PRKRA: variants seen among roughly 807,000 people sequenced by gnomAD.
PRKRA encodes the protein interferon-inducible double-stranded RNA-dependent protein kinase activator A.
PRKRA carries 22 observed loss-of-function variants against 32.4 expected under a neutral mutation model. The ratio of observed to expected loss-of-function variants is 0.68; its 90% CI spans 0.49 to 0.97. The LOEUF (loss-of-function observed/expected upper bound fraction) is 0.97, where lower values mean the gene tolerates loss of function less well. Ranked by LOEUF, PRKRA falls within the 50% of genes least tolerant of loss-of-function variation. The probability of loss-of-function intolerance (pLI) is 0.00; values close to 1 mark genes in which losing one functional copy is unlikely to be tolerated. For missense variants in PRKRA, 319 were observed against 375.6 expected (o/e 0.85, Z 1.25); for synonymous variants, 139 against 129.8 (o/e 1.07, Z -0.48).
At chr2:178,448,705 C>G (rs564486085) in intron 2 of PRKRA, among the ~76,000 whole-genome samples, 1 of 152,212 alleles carries the variant, frequency 6.6e-6, no homozygotes, top group African/African-American at 2.4e-5. Flanking sequence ...ATGATGGTGG[C>G]CTAGGCAGTA....
At chr2:178,449,776 G>C (rs900340789) in intron 2 of PRKRA, among the ~76,000 whole-genome samples, 1 of 152,218 alleles carries the variant, frequency 6.6e-6, no homozygotes, top group African/African-American at 2.4e-5. Context: ...TTTGGATACA[G>C]AATCAAAAGT....
At position 178,436,310 on chromosome 2, in the gene PRKRA, C is replaced by T. The variant is rs934978501; in HGVS notation, c.619G>A (p.Val207Ile). ...PENHISLTNV[V>I]GHSLGCTWHS... is the part of the protein sequence containing the mutation. ...CAAGTACATCCTAAAGAATGTCCTACTACATTTGTCTGAAAAACAGAGATG... is the reference window on the plus strand; with the variant it reads ...CAAGTACATCCTAAAGAATGTCCTATTACATTTGTCTGAAAAACAGAGATG... The change falls in exon 7 of 8, where the codon GTA becomes ATA. Residue 207 changes from valine (V) to isoleucine (I), a missense_variant. Physicochemically the swap from Val to Ile is conservative, Grantham distance 29. Coordinates refer to ENST00000325748, the MANE Select transcript of PRKRA (RefSeq NM_003690.5). 3 of 1,613,516 alleles carry T rather than the reference C, an allele frequency of 1.9e-6. No homozygotes were observed. The highest frequency in any genetic ancestry group is 1.1e-5 in the South Asian group (1 of 91,076).
intron 6 of PRKRA, 49 bp from the exon 7 acceptor site, chr2:178,436,368 A>G (rs1455948312): frequency 1.7e-6 from 2 of 1,177,110 alleles, no homozygotes; most frequent in Non-Finnish European, 2.3e-6. Context: ...ACTGGGTTCC[A>G]ACACCCGTAC....
At chr2:178,435,220 GA>G (rs75303596) in intron 7 of PRKRA, among the ~76,000 whole-genome samples, 239 of 141,318 alleles carry the variant, frequency 1.7e-3, no homozygotes, top group South Asian at 4.3e-3. Context: ...CCATCTTGGG[GA>G]AAAAAAAAAA....
chr2:178,449,632 G>C (rs1967327), intron 2 of PRKRA, among the ~76,000 whole-genome samples: 30,350 of 152,122 alleles, frequency 0.2, 3,370 homozygotes, highest in East Asian at 0.51. Context: ...ATTGCTATAC[G>C]CATGTTACTT....
At position 178,436,290 on chromosome 2, in the gene PRKRA, A is replaced by G; in HGVS notation, c.639T>C (p.Cys213=). The G allele has an allele frequency of 6.2e-7, 1 of 1,613,958 alleles. No individual in the cohort carries two copies. Among genetic ancestry groups the G allele is most frequent in the East Asian group, 2.2e-5 (1 of 44,840 alleles). Residue 213 remains cysteine, a synonymous_variant, in exon 7 of 8, where the codon TGT becomes TGC. Coordinates refer to ENST00000325748, the MANE Select transcript of PRKRA (RefSeq NM_003690.5). ...GAGAATTCCTCAAGGAATGCCAAGT[A>G]CATCCTAAAGAATGTCCTACTACAT... ...LTNVVGHSLG[C]TWHSLRNSPG... is the part of the protein sequence containing the mutation.
chr2:178,441,552 T>C (rs1697114735), intron 6 of PRKRA, 58 bp downstream of exon 6: 1 of 1,047,124 alleles, frequency 9.5e-7, no homozygotes, highest in Admixed American at 2.5e-5. Context: ...TCAAGGAAAG[T>C]TTCCTACTGC....
intron 6 of PRKRA, chr2:178,438,889 T>C (rs1697011660): frequency 6.6e-6 from 1 of 152,144 alleles, no homozygotes; most frequent in Non-Finnish European, 1.5e-5. Context: ...TTCACCGCGT[T>C]AGCCAGAATG....
Position 178,432,167 on chromosome 2 carries a change from C to T in PRKRA, c.872G>A (p.Cys291Tyr). The T allele has an allele frequency of 6.2e-7, 1 of 1,614,212 alleles. No individual in the cohort carries two copies. The highest frequency in any genetic ancestry group is 8.5e-7 in the Non-Finnish European group (1 of 1,180,034). ...AGCTGCATCACTTTGTGCATTGCCA[C>T]AGGAGATACCGGAGCCATGACAGAC... ...ITVCHGSGIS[C>Y]GNAQSDAAHN... is the part of the protein sequence containing the mutation. The change falls in exon 8 of 8, where the codon TGT becomes TAT. Residue 291 changes from cysteine to tyrosine, a missense_variant. Transcript: ENST00000325748.
intron 7 of PRKRA, among the ~76,000 whole-genome samples, chr2:178,434,649 T>TTGGTTTAC (rs1696813123): frequency 6.6e-6 from 1 of 152,086 alleles, no homozygotes; most frequent in Non-Finnish European, 1.5e-5. Flanking sequence ...TGCATCATTA[T>TTGGTTTAC]TGGTTTACTG....
At position 178,451,164 on chromosome 2, in the gene PRKRA, C is replaced by T. The variant is rs988607528; in HGVS notation, c.-134G>A. On this transcript the variant is annotated 5_prime_UTR_variant, in exon 1 of 8. Transcript: ENST00000325748. ...ACTCCCCCGCCTCCTGCTTGCGTTG[C>T]TCCAGCGAGGGGGCAGGCAGGGTGG... is the stretch of plus-strand genomic sequence containing the variant. 19 of 1,051,176 alleles carry T rather than the reference C, an allele frequency of 1.8e-5. No homozygotes were observed. The highest frequency in any genetic ancestry group is 1.0e-4 in the Admixed American group (4 of 38,996). The allele number at this position is 1,051,176 out of a possible 1,614,324, so 65.1% of individuals were successfully genotyped here. A position where few individuals can be genotyped will look rare whatever the true frequency, so the allele number is the denominator to read the frequency against.
Position 178,450,373 on chromosome 2 carries a change from G to A in PRKRA, c.104C>T (p.Pro35Leu). Reference protein sequence around the residue: ...KMITAKPGKTPIQVLHEYGMK... With the variant: ...KMITAKPGKTLIQVLHEYGMK... ...GCCGTATTCGTGTAATACCTGAATC[G>A]GTGTTTTCCCTGGCTTAGCTGTTAT... The change falls in exon 2 of 8, where the codon CCG (proline) becomes CTG (leucine). Residue 35 changes from proline to leucine, a missense_variant. Pro to Leu is a moderately conservative substitution (Grantham distance 98). Transcript: ENST00000325748. 4 of 1,614,242 alleles carry A rather than the reference G, an allele frequency of 2.5e-6. No individual in the cohort carries two copies. Among genetic ancestry groups the A allele is most frequent in the Non-Finnish European group, 3.4e-6 (4 of 1,180,048 alleles).
intron 6 of PRKRA, among the ~76,000 whole-genome samples, chr2:178,436,705 A>G (rs1696912386): frequency 6.6e-6 from 1 of 152,202 alleles, no homozygotes; most frequent in Non-Finnish European, 1.5e-5. Flanking sequence ...CAATTTTCAT[A>G]TCTTTGGTTT....
intron 2 of PRKRA, 46 bp from the exon 3 acceptor site, chr2:178,447,632 G>A (rs764142699): frequency 6.2e-7 from 1 of 1,608,190 alleles, no homozygotes; most frequent in East Asian, 2.2e-5. Context: ...CCACAAAAAT[G>A]TGCAGCTTAC....
In PRKRA at chr2:178,447,604, A is replaced by ACGGTT; in HGVS notation, c.236-19_236-18insAACCG. The stretch of plus-strand genomic sequence containing the variant: ...ACCTTCACCTGAATTAAGATTTAAA[A>ACGGTT]AAAGAAGTCTTTATCTCCCACAAAA... On this transcript the variant is annotated intron_variant, in intron 2 of 7. Coordinates refer to ENST00000325748, the MANE Select transcript of PRKRA (RefSeq NM_003690.5). 1 of 796,672 alleles carries ACGGTT rather than the reference A, an allele frequency of 1.3e-6. No individual in the cohort carries two copies. The highest frequency in any genetic ancestry group is 1.8e-6 in the Non-Finnish European group (1 of 552,450). 49.4% of individuals were successfully genotyped at this position (796,672 alleles called of 1,614,324 possible).
intron 7 of PRKRA, chr2:178,434,219 T>G (rs1696790076): frequency 6.6e-6 from 1 of 152,010 alleles, no homozygotes; most frequent in Non-Finnish European, 1.5e-5. Context: ...CAAGTGATTC[T>G]CCCACCTGAG....
At chr2:178,447,344 G>A (rs771581589) in intron 3 of PRKRA, 161 bp downstream of exon 3, 2 of 1,283,762 alleles carry the variant, frequency 1.6e-6, no homozygotes, top group Admixed American at 5.0e-5. Context: ...ATTGGATAAA[G>A]TTTTCTTTAA....
chr2:178,443,201 G>T, intron 5 of PRKRA, 66 bp downstream of exon 5: 5 of 908,574 alleles, frequency 5.5e-6, no homozygotes, highest in Non-Finnish European at 7.8e-6. Context: ...CATTACGACA[G>T]AAATTTCGAT....
At chr2:178,440,968 A>G (rs1314653211) in intron 6 of PRKRA, among the ~76,000 whole-genome samples, 2 of 152,174 alleles carry the variant, frequency 1.3e-5, no homozygotes, top group Non-Finnish European at 2.9e-5. Context: ...TCTACACACA[A>G]CAAATCACTT....
Sources: gnomAD v4.1 joint callset for allele counts (sites outside exome capture counted in the v4.1 genomes callset) on GRCh38, gnomAD v4.1.1 for gene constraint, MANE v1.5 for transcripts, NCBI Gene and HGNC (gene_info 2026-07-23, HGNC 2026-07-21) for gene names.